Variants in CLU observed in about 807,000 individuals in gnomAD.
CLU encodes aging-associated protein 4.
A neutral mutation model predicts 46.4 loss-of-function variants in CLU; 25 were observed. The observed-to-expected ratio is 0.54, with a 90% confidence interval of 0.39 to 0.75. The LOEUF is 0.75. Ranked by LOEUF, CLU falls within the 30% of genes least tolerant of loss-of-function variation. The probability of loss-of-function intolerance (pLI) is 0.00; values close to 1 mark genes in which losing one functional copy is unlikely to be tolerated. For synonymous variants in CLU, 235 were observed against 235.1 expected (o/e 1.00, Z 0.00); for missense variants, 504 against 592.1 (o/e 0.85, Z 1.54).
chr8:27,608,868 G>A (rs1157928766), intron 3 of CLU, 70 bp downstream of exon 3: 35 of 1,563,758 alleles, frequency 2.2e-5, no homozygotes, highest in Admixed American at 1.0e-4. Flanking sequence ...GCAGGGCACC[G>A]CGCAGTGACC....
chr8:27,604,803 GATA>G, intron 5 of CLU, 118 bp downstream of exon 5: 1 of 1,182,026 alleles, frequency 8.5e-7, no homozygotes, highest in Non-Finnish European at 1.2e-6. Context: ...TTTAAATAAG[GATA>G]ATATCACCCT....
intron 3 of CLU, among the ~76,000 whole-genome samples, chr8:27,607,268 C>T (rs867661532): frequency 2.0e-5 from 3 of 151,882 alleles, no homozygotes; most frequent in South Asian, 4.2e-4. Context: ...ACCTGGGAGG[C>T]GGAGGTTGTA....
Position 27,610,509 on chromosome 8 carries a change from C to A in CLU, c.63G>T (p.Leu21=), listed in dbSNP as rs780875416. The change falls in exon 2 of 9, where the codon CTG becomes CTT. Residue 21 remains leucine, a synonymous_variant. Coordinates refer to ENST00000316403, the MANE Select transcript of CLU (RefSeq NM_001831.4). Reference sequence around the variant, plus strand: ...CATTGTCTGAGACCGTCTGGTCCCCCAGGACCTGCCCACTCTCCCAGGTCA... The same window carrying A: ...CATTGTCTGAGACCGTCTGGTCCCCAAGGACCTGCCCACTCTCCCAGGTCA... ...LLLTWESGQV[L]GDQTVSDNEL... 3 of 1,614,100 alleles carry A rather than the reference C, an allele frequency of 1.9e-6. No individual in the cohort carries two copies. The highest frequency in any genetic ancestry group is 2.5e-6 in the Non-Finnish European group (3 of 1,180,014).
chr8:27,603,543 T>C (rs1400701512), intron 6 of CLU, among the ~76,000 whole-genome samples: 2 of 152,136 alleles, frequency 1.3e-5, no homozygotes, highest in African/African-American at 4.8e-5. Flanking sequence ...ACAGCTGTTA[T>C]CTCTAAGTGG....
rs776730618 is a variant in CLU, at chr8:27,609,006, TGA to T, written c.176_177del (p.Leu59HisfsTer28). 1 of 1,614,236 alleles carries T rather than the reference TGA, an allele frequency of 6.2e-7. No individual in the cohort carries two copies. Among genetic ancestry groups the T allele is most frequent in the South Asian group, 1.1e-5 (1 of 91,084 alleles). On this transcript the variant is annotated frameshift_variant, in exon 3 of 9. Coordinates refer to ENST00000316403, the MANE Select transcript of CLU (RefSeq NM_001831.4). LOFTEE classifies it high-confidence loss of function. ...TTGCGCTCTTCGTTTGTTTTTTCTA[TGA>T]GAGTCTTTATCTGTTTCACCCCGTT... ...AVNGVKQIKT[L>X]IEKTNEERKT...
chr8:27,604,152 G>T (rs1800770582), intron 6 of CLU, 139 bp downstream of exon 6: 7 of 716,150 alleles, frequency 9.8e-6, no homozygotes, highest in Middle Eastern at 3.7e-4. Flanking sequence ...ACCTGCCCCG[G>T]GACACAGCTC....
In CLU at chr8:27,599,589, C is replaced by T. The variant is rs1408433320; in HGVS notation, c.1164+191G>A. 3.4e-6 allele frequency: 2 copies of T among 594,020 alleles called. No individual in the cohort carries two copies. The highest frequency in any genetic ancestry group is 1.8e-5 in the African/African-American group (1 of 54,092). 36.8% of individuals were successfully genotyped at this position (594,020 alleles called of 1,614,324 possible). ...ACCTTGGCCAAGCTGTGGAACCTCT[C>T]TTACTTTGCTCCTTTGTAAAGCAGG... On this transcript the variant is annotated intron_variant, in intron 7 of 8. Transcript: ENST00000316403. This position sits in a 1 kb window ranked among gnomAD's most constrained non-coding sequence, Gnocchi z 4.0.
At chr8:27,611,275 A>C in intron 1 of CLU, 2 of 454,580 alleles carry the variant, frequency 4.4e-6, no homozygotes, top group Non-Finnish European at 8.8e-6. Context: ...GAAGCCAGGA[A>C]GGACAATTCC....
In CLU at chr8:27,605,115, T is replaced by G. The variant is rs1309753840; in HGVS notation, c.638A>C (p.His213Pro). The G allele has an allele frequency of 1.9e-6, 3 of 1,613,892 alleles. No homozygotes were observed. The highest frequency in any genetic ancestry group is 2.5e-6 in the Non-Finnish European group (3 of 1,179,968). The change falls in exon 5 of 9, where the codon CAC becomes CCC. Residue 213 changes from histidine (H) to proline (P), a missense_variant. Around this residue, in one of 3 missense-constraint regions of CLU, gnomAD observed 428 missense variants for 484.0 expected, o/e 0.88. Transcript: ENST00000316403. ...GGGAAAGAAGAAGTGAGGCCTCCGG[T>G]GGGGCAGGCTGAAGGGCAGGTAGTG... ...TYHYLPFSLP[H>P]RRPHFFFPKS...
At chr8:27,604,158 A>G in intron 6 of CLU, 133 bp downstream of exon 6, 1 of 734,496 alleles carries the variant, frequency 1.4e-6, no homozygotes, top group Non-Finnish European at 2.4e-6. Context: ...CCCGGGACAC[A>G]GCTCAAAGGC....
At chr8:27,602,727 A>G (rs532333546) in intron 6 of CLU, among the ~76,000 whole-genome samples, 1 of 152,108 alleles carries the variant, frequency 6.6e-6, no homozygotes, top group South Asian at 2.1e-4. Context: ...AGTGTAGACT[A>G]TTTAGCTCAG....
chr8:27,611,942 CCT>C (rs1800937883), intron 1 of CLU: 3 of 361,970 alleles, frequency 8.3e-6, no homozygotes, highest in African/African-American at 2.1e-5. Flanking sequence ...GCCAGAAACA[CCT>C]CTCTGCCAGG....
chr8:27,606,105 GC>G (rs932389128), intron 4 of CLU, among the ~76,000 whole-genome samples: 3 of 152,194 alleles, frequency 2.0e-5, no homozygotes, highest in African/African-American at 7.2e-5. Flanking sequence ...ATCCCACGAA[GC>G]AGTTTATTAT....
rs1370333106 is a variant in CLU, at chr8:27,599,593, C to T, written c.1164+187G>A. 1.7e-6 allele frequency: 1 copy of T among 597,684 alleles called. No homozygotes were observed. The highest frequency in any genetic ancestry group is 3.0e-6 in the Non-Finnish European group (1 of 334,148). 37.0% of individuals were successfully genotyped at this position (597,684 alleles called of 1,614,324 possible). A position where few individuals can be genotyped will look rare whatever the true frequency, so the allele number is the denominator to read the frequency against. On this transcript the variant is annotated intron_variant, in intron 7 of 8. Transcript: ENST00000316403. This position sits in a 1 kb window ranked among gnomAD's most constrained non-coding sequence, Gnocchi z 4.0. ...TGGCCAAGCTGTGGAACCTCTCTTACTTTGCTCCTTTGTAAAGCAGGGTTA... is the reference window on the plus strand; with the variant it reads ...TGGCCAAGCTGTGGAACCTCTCTTATTTTGCTCCTTTGTAAAGCAGGGTTA...
intron 5 of CLU, 106 bp from the exon 6 acceptor site, chr8:27,604,501 C>G: frequency 2.1e-6 from 2 of 950,274 alleles, no homozygotes; most frequent in Non-Finnish European, 3.3e-6. Flanking sequence ...CAGACAGGGT[C>G]TCACTCTGTT....
chr8:27,604,634 G>A (rs557646920), intron 5 of CLU, among the ~76,000 whole-genome samples: 3 of 152,060 alleles, frequency 2.0e-5, no homozygotes, highest in Non-Finnish European at 4.4e-5. Context: ...CACCACACCC[G>A]GCTAATTTTT....
At chr8:27,614,271 A>C (rs534520546) in intron 1 of CLU, 1 of 161,042 alleles carries the variant, frequency 6.2e-6, no homozygotes, top group Non-Finnish European at 1.3e-5. Flanking sequence ...ATCTTCGCAG[A>C]GGATATGCTG....
chr8:27,599,667 A>C lies in CLU; in HGVS notation c.1164+113T>G, dbSNP rs1263195668. ...GGCTTCAAGGCAACAGGGGCGCCTA[A>C]AGTTTTCTATTTTCTGCCGTGTGAT... On this transcript the variant is annotated intron_variant, in intron 7 of 8. Transcript: ENST00000316403. This position sits in a 1 kb window ranked among gnomAD's most constrained non-coding sequence, Gnocchi z 4.0. 8 of 827,526 alleles carry C rather than the reference A, an allele frequency of 9.7e-6. No individual in the cohort carries two copies. The African/African-American group carries it at 1.4e-4, about 14-fold the overall frequency. 51.3% of individuals were successfully genotyped at this position (827,526 alleles called of 1,614,324 possible). A position where few individuals can be genotyped will look rare whatever the true frequency, so the allele number is the denominator to read the frequency against.
At position 27,599,958 on chromosome 8, in the gene CLU, T is replaced by A; in HGVS notation, c.986A>T (p.Glu329Val). Residue 329 changes from glutamate to valine, a missense_variant, in exon 7 of 9, where the codon GAA becomes GTA. Transcript: ENST00000316403. This position sits in a 1 kb window ranked among gnomAD's most constrained non-coding sequence, Gnocchi z 4.0. Reference sequence around the variant, plus strand: ...CAACCTCTCAGCGACCTGGAGGGATTCGTCGAGCTCCCGCCGCAGCTTAGC... The same window carrying A: ...CAACCTCTCAGCGACCTGGAGGGATACGTCGAGCTCCCGCCGCAGCTTAGC... The part of the protein sequence containing the change: ...SQAKLRRELD[E>V]SLQVAERLTR... 2 of 1,614,214 alleles carry A rather than the reference T, an allele frequency of 1.2e-6. No homozygotes were observed. Among genetic ancestry groups the A allele is most frequent in the South Asian group, 2.2e-5 (2 of 91,092 alleles).
Sources: allele counts gnomAD v4.1 joint callset (sites outside exome capture counted in the v4.1 genomes callset), GRCh38; gene constraint gnomAD v4.1.1; regional missense constraint gnomAD v4.1.1; non-coding constraint Gnocchi (gnomAD v3.1); transcripts MANE v1.5; gene names NCBI Gene and HGNC (gene_info 2026-07-23, HGNC 2026-07-21).